DDAH2: variants seen among roughly 807,000 people sequenced by gnomAD.
DDAH2 encodes DDAH family member 2, ADMA-independent.
DDAH2 carries 8 observed loss-of-function variants against 24.8 expected under a neutral mutation model. The ratio of observed to expected loss-of-function variants is 0.32; its 90% CI spans 0.19 to 0.58. The LOEUF is 0.58. DDAH2 is among the 20% of genes least tolerant of loss of function. DDAH2 has a pLI of 0.87. For synonymous variants in DDAH2, 151 were observed against 166.1 expected (o/e 0.91, Z 0.70); for missense variants, 281 against 379.0 (o/e 0.74, Z 2.15).
Position 31,728,275 on chromosome 6 carries a change from A to C in DDAH2, c.489T>G (p.Thr163=). ...ADTFRDFAVS[T]VPVSGPSHLR... is the part of the protein sequence containing the mutation. ...GGTGGGAGGGACCCGAGACTGGCAC[A>C]GTGGAGACGGCGAAGTCCTAGGGAG... is the stretch of plus-strand genomic sequence containing the variant. Residue 163 remains threonine, a synonymous_variant, in exon 4 of 6, where the codon ACT becomes ACG. Coordinates refer to ENST00000375789, the MANE Select transcript of DDAH2 (RefSeq NM_001303007.2). The surrounding 1 kb of genome is among the most constrained non-coding windows in gnomAD (Gnocchi z 9.8). 6.2e-7 allele frequency: 1 copy of C among 1,611,460 alleles called. No individual in the cohort carries two copies. The highest frequency in any genetic ancestry group is 8.5e-7 in the Non-Finnish European group (1 of 1,179,126).
Position 31,728,117 on chromosome 6 carries a change from C to G in DDAH2, c.591+56G>C. The G allele has an allele frequency of 6.3e-7, 1 of 1,595,606 alleles. No individual in the cohort carries two copies. The highest frequency in any genetic ancestry group is 1.1e-5 in the South Asian group (1 of 90,056). On this transcript the variant is annotated intron_variant, in intron 4 of 5. Transcript: ENST00000375789. This position sits in a 1 kb window ranked among gnomAD's most constrained non-coding sequence, Gnocchi z 9.8. Reference sequence around the variant, plus strand: ...GCTAATTTCCTAAGCCTCCCAGCTCCCGGCCTCCCGGGCCCAGAACTGCGC... The same window carrying G: ...GCTAATTTCCTAAGCCTCCCAGCTCGCGGCCTCCCGGGCCCAGAACTGCGC...
Position 31,728,526 on chromosome 6 carries a change from T to G in DDAH2, c.398-2A>C. The G allele has an allele frequency of 6.2e-7, 1 of 1,612,728 alleles. No homozygotes were observed. ...AGAGGCCTACGAAAAACTCCCGGCC[T>G]GAGTCCGGGAGGCCGCGGAGGTTTG... is the stretch of plus-strand genomic sequence containing the variant. On this transcript the variant is annotated splice_acceptor_variant, in intron 2 of 5. Transcript: ENST00000375789. LOFTEE classifies it high-confidence loss of function. This position sits in a 1 kb window ranked among gnomAD's most constrained non-coding sequence, Gnocchi z 9.8.
Position 31,728,743 on chromosome 6 carries a change from G to C in DDAH2, c.300C>G (p.Val100=), listed in dbSNP as rs1173115655. 6.2e-7 allele frequency: 1 copy of C among 1,612,896 alleles called. No individual in the cohort carries two copies. The highest frequency in any genetic ancestry group is 8.5e-7 in the Non-Finnish European group (1 of 1,179,972). ...CTTGCAGGGCTTTGCGGACTCCATC[G>C]ACCTTAGGATAGGAGAAGAGGGCAC... ...RPWSPARRPE[V]DGVRKALQDL... is the part of the protein sequence containing the mutation. The change falls in exon 2 of 6, where the codon GTC becomes GTG. Residue 100 remains valine, a splice_region_variant and synonymous_variant. Coordinates refer to ENST00000375789, the MANE Select transcript of DDAH2 (RefSeq NM_001303007.2). This position sits in a 1 kb window ranked among gnomAD's most constrained non-coding sequence, Gnocchi z 9.8.
Position 31,727,290 on chromosome 6 carries a change from C to T in DDAH2, c.805G>A (p.Gly269Ser). 1.9e-6 allele frequency: 3 copies of T among 1,613,106 alleles called. No individual in the cohort carries two copies. The highest frequency in any genetic ancestry group is 1.7e-5 in the Admixed American group (1 of 60,030). Residue 269 changes from glycine to serine, a missense_variant, in exon 6 of 6, where the codon GGC (glycine) becomes AGC (serine). Physicochemically the swap from Gly to Ser is moderately conservative, Grantham distance 56. Transcript: ENST00000375789. This position sits in a 1 kb window ranked among gnomAD's most constrained non-coding sequence, Gnocchi z 6.0. Reference protein sequence around the residue: ...PVSCSELEKAGAGLSSLCLVL... With the variant: ...PVSCSELEKASAGLSSLCLVL... ...AAGCAGAGGGAGCTGAGCCCGGCGC[C>T]AGCCTTCTCCAGTTCTGAGCAGGAC...
At position 31,728,326 on chromosome 6, in the gene DDAH2, G is replaced by C. The variant is rs1384288878; in HGVS notation, c.472-34C>G. ...AGCGAAGGGAGGTATTCAGGGGCGC[G>C]GGAGGGGTGATGGGGTATCTTCAAA... On this transcript the variant is annotated intron_variant, in intron 3 of 5. Coordinates refer to ENST00000375789, the MANE Select transcript of DDAH2 (RefSeq NM_001303007.2). This position sits in a 1 kb window ranked among gnomAD's most constrained non-coding sequence, Gnocchi z 9.8. 2 of 1,605,184 alleles carry C rather than the reference G, an allele frequency of 1.2e-6. No individual in the cohort carries two copies. Among genetic ancestry groups the C allele is most frequent in the Non-Finnish European group, 1.7e-6 (2 of 1,174,714 alleles).
Position 31,729,187 on chromosome 6 carries a change from A to C in DDAH2, c.-26T>G. 5.3e-6 allele frequency: 8 copies of C among 1,507,834 alleles called. No individual in the cohort carries two copies. Among genetic ancestry groups the C allele is most frequent in the Non-Finnish European group, 7.2e-6 (8 of 1,107,792 alleles). 93.4% of individuals were successfully genotyped at this position (1,507,834 alleles called of 1,614,324 possible). ...CCCATCCACACAGACTCCCCCTCCA[A>C]CCGCTCGGATTTCTTAGTTTTCTTG... On this transcript the variant is annotated 5_prime_UTR_variant, in exon 1 of 6. Coordinates refer to ENST00000375789, the MANE Select transcript of DDAH2 (RefSeq NM_001303007.2). The surrounding 1 kb of genome is among the most constrained non-coding windows in gnomAD (Gnocchi z 6.7).
At chr6:31,729,826 T>G (rs2151309781), upstream of DDAH2, 1 of 151,602 alleles carries the variant, frequency 6.6e-6, no homozygotes. The surrounding 1 kb of genome is among the most constrained non-coding windows in gnomAD (Gnocchi z 6.7). Context: ...CTGGGAGAGG[T>G]CTAAAACGAA....
chr6:31,729,086 C>G lies in DDAH2; in HGVS notation c.76G>C (p.Gly26Arg), dbSNP rs772494896. ...GGAAGGCCAGCCCCCGCACCTTCCCCCGACGCCAGGCTCTCTGGGACTCCC... is the reference window on the plus strand; with the variant it reads ...GGAAGGCCAGCCCCCGCACCTTCCCGCGACGCCAGGCTCTCTGGGACTCCC... ...IRGVPESLAS[G>R]EGAGAGLPAL... Residue 26 changes from glycine (G) to arginine (R), a missense_variant, in exon 1 of 6, where the codon GGG becomes CGG. By Grantham distance (125) the Gly-to-Arg change is moderately radical. Transcript: ENST00000375789. The surrounding 1 kb of genome is among the most constrained non-coding windows in gnomAD (Gnocchi z 6.7). The G allele has an allele frequency of 8.1e-6, 13 of 1,612,940 alleles. No individual in the cohort carries two copies. The highest frequency in any genetic ancestry group is 1.1e-5 in the Non-Finnish European group (13 of 1,180,020).
Position 31,728,898 on chromosome 6 carries a change from G to A in DDAH2, c.264C>T (p.Ile88=). ...TACGAGCGGGGCTCCAGGGCCGCGT[G>A]ATTAGGGCCGTGTCCCCTTGGATCA... ...TAVIQGDTAL[I]TRPWSPARRP... Residue 88 remains isoleucine, a synonymous_variant, in exon 1 of 6, where the codon ATC becomes ATT. Transcript: ENST00000375789. The surrounding 1 kb of genome is among the most constrained non-coding windows in gnomAD (Gnocchi z 9.8). 6.2e-7 allele frequency: 1 copy of A among 1,613,088 alleles called. No homozygotes were observed. Among genetic ancestry groups the A allele is most frequent in the Non-Finnish European group, 8.5e-7 (1 of 1,180,030 alleles).
Position 31,728,373 on chromosome 6 carries a change from C to T in DDAH2, c.471+78G>A. ...CAAACATAGGCTGCTCTCTGCCTCT[C>T]ATTTCCTCAGCGGGCGCCCAGGCCC... On this transcript the variant is annotated intron_variant, in intron 3 of 5. Coordinates refer to ENST00000375789, the MANE Select transcript of DDAH2 (RefSeq NM_001303007.2). This position sits in a 1 kb window ranked among gnomAD's most constrained non-coding sequence, Gnocchi z 9.8. 1.9e-6 allele frequency: 3 copies of T among 1,609,676 alleles called. No homozygotes were observed. Among genetic ancestry groups the T allele is most frequent in the Non-Finnish European group, 2.5e-6 (3 of 1,177,872 alleles).
In DDAH2 at chr6:31,727,109, C is replaced by G. The variant is rs1240850627; in HGVS notation, c.*128G>C. On this transcript the variant is annotated 3_prime_UTR_variant, in exon 6 of 6. Coordinates refer to ENST00000375789, the MANE Select transcript of DDAH2 (RefSeq NM_001303007.2). This position sits in a 1 kb window ranked among gnomAD's most constrained non-coding sequence, Gnocchi z 6.0. ...CCCAGTGGATCCTTTTCCCTACACT[C>G]TCCCCTCCCCCAATATTGAGGCTCT... 1.1e-5 allele frequency: 8 copies of G among 723,900 alleles called. No homozygotes were observed. The highest frequency in any genetic ancestry group is 9.9e-5 in the East Asian group (4 of 40,358). The allele number at this position is 723,900 out of a possible 1,614,324, so 44.8% of individuals were successfully genotyped here.
rs1807569492 is a variant in DDAH2, at chr6:31,728,500, G to C, written c.422C>G (p.Ser141Cys). The C allele has an allele frequency of 6.2e-7, 1 of 1,612,788 alleles. No individual in the cohort carries two copies. The highest frequency in any genetic ancestry group is 8.5e-7 in the Non-Finnish European group (1 of 1,179,950). Residue 141 changes from serine (S) to cysteine (C), a missense_variant, in exon 3 of 6, where the codon TCC (serine) becomes TGC (cysteine). Transcript: ENST00000375789. The surrounding 1 kb of genome is among the most constrained non-coding windows in gnomAD (Gnocchi z 9.8). ...AGCTCCTCGGTGATTGGTCCATTTG[G>C]AGAGGCCTACGAAAAACTCCCGGCC... is the stretch of plus-strand genomic sequence containing the variant. ...FTGREFFVGL[S>C]KWTNHRGAEI...
At position 31,728,004 on chromosome 6, in the gene DDAH2, C is replaced by T. The variant is rs1266557797; in HGVS notation, c.591+169G>A. On this transcript the variant is annotated intron_variant, in intron 4 of 5. Transcript: ENST00000375789. This position sits in a 1 kb window ranked among gnomAD's most constrained non-coding sequence, Gnocchi z 9.8. ...ACTCCGGAAGAGCAAATTAATCACC[C>T]CTGTTCCCAGTCCTGCTGTTGTAAC... 6.6e-6 allele frequency among the ~76,000 whole-genome samples: 1 copy of T among 152,200 alleles called. No individual in the cohort carries two copies. The highest frequency in any genetic ancestry group is 1.5e-5 in the Non-Finnish European group (1 of 68,034).
In DDAH2 at chr6:31,728,092, G is replaced by A. The variant is rs915188827; in HGVS notation, c.591+81C>T. ...CAGCCCATTGAGGGCAGGGGTTAGG[G>A]CTAATTTCCTAAGCCTCCCAGCTCC... On this transcript the variant is annotated intron_variant, in intron 4 of 5. Coordinates refer to ENST00000375789, the MANE Select transcript of DDAH2 (RefSeq NM_001303007.2). The surrounding 1 kb of genome is among the most constrained non-coding windows in gnomAD (Gnocchi z 9.8). 131 of 1,544,402 alleles carry A rather than the reference G, an allele frequency of 8.5e-5. No individual in the cohort carries two copies. In the African/African-American group the frequency reaches 1.5e-3, roughly 18 times the overall value.
At position 31,727,173 on chromosome 6, in the gene DDAH2, C is replaced by T. The variant is rs766150261; in HGVS notation, c.*64G>A. The T allele has an allele frequency of 1.6e-6, 2 of 1,236,006 alleles. No individual in the cohort carries two copies. The highest frequency in any genetic ancestry group is 2.3e-5 in the East Asian group (1 of 42,778). 76.6% of individuals were successfully genotyped at this position (1,236,006 alleles called of 1,614,324 possible). A position where few individuals can be genotyped will look rare whatever the true frequency, so the allele number is the denominator to read the frequency against. On this transcript the variant is annotated 3_prime_UTR_variant, in exon 6 of 6. Coordinates refer to ENST00000375789, the MANE Select transcript of DDAH2 (RefSeq NM_001303007.2). The surrounding 1 kb of genome is among the most constrained non-coding windows in gnomAD (Gnocchi z 6.0). ...CCTATTCAGCATTCTCTATCTAACCCTCCTTCCCCTTCTACTTCCTATACT... is the reference window on the plus strand; with the variant it reads ...CCTATTCAGCATTCTCTATCTAACCTTCCTTCCCCTTCTACTTCCTATACT...
In DDAH2 at chr6:31,727,518, T is replaced by C; in HGVS notation, c.741+25A>G. 6.2e-7 allele frequency: 1 copy of C among 1,613,002 alleles called. No homozygotes were observed. Among genetic ancestry groups the C allele is most frequent in the Non-Finnish European group, 8.5e-7 (1 of 1,179,976 alleles). ...AACTCTTTTCTCTGATGGTGCTTGG[T>C]GTTGGAGTTCCTGCCCTCTCTCACC... is the stretch of plus-strand genomic sequence containing the variant. On this transcript the variant is annotated intron_variant, in intron 5 of 5. Transcript: ENST00000375789. This position sits in a 1 kb window ranked among gnomAD's most constrained non-coding sequence, Gnocchi z 6.0.
chr6:31,727,883 C>T lies in DDAH2; in HGVS notation c.592-191G>A, dbSNP rs775548245. On this transcript the variant is annotated intron_variant, in intron 4 of 5. Coordinates refer to ENST00000375789, the MANE Select transcript of DDAH2 (RefSeq NM_001303007.2). The surrounding 1 kb of genome is among the most constrained non-coding windows in gnomAD (Gnocchi z 6.0). ...CTAATTTCCACCTTGGAATCACATG[C>T]AGTTATTTTCAACCCCCTACCTTCC... Among the ~76,000 whole-genome samples the T allele has an allele frequency of 3.3e-5, 5 of 152,186 alleles. No individual in the cohort carries two copies. Among genetic ancestry groups the T allele is most frequent in the South Asian group, 4.1e-4 (2 of 4,834 alleles).
Position 31,729,016 on chromosome 6 carries a change from C to G in DDAH2, c.146G>C (p.Gly49Ala). Residue 49 changes from glycine to alanine, a missense_variant, in exon 1 of 6, where the codon GGA becomes GCA. Physicochemically the swap from Gly to Ala is moderately conservative, Grantham distance 60. Coordinates refer to ENST00000375789, the MANE Select transcript of DDAH2 (RefSeq NM_001303007.2). This position sits in a 1 kb window ranked among gnomAD's most constrained non-coding sequence, Gnocchi z 6.7. ...AKAQREHGVLGGKLRQRLGLQ... is the reference protein window; with the variant it reads ...AKAQREHGVLAGKLRQRLGLQ... ...CCCCAGTCGTTGCCTCAGTTTACCT[C>G]CCAGCACCCCGTGCTCCCTTTGAGC... The G allele has an allele frequency of 6.2e-7, 1 of 1,613,110 alleles. No individual in the cohort carries two copies.
In DDAH2 at chr6:31,728,856, G is replaced by T. The variant is rs1044656908; in HGVS notation, c.297+9C>A. On this transcript the variant is annotated intron_variant, in intron 1 of 5. Transcript: ENST00000375789. The surrounding 1 kb of genome is among the most constrained non-coding windows in gnomAD (Gnocchi z 9.8). ...TTTCCCCATACCACACCCGCGCCAC[G>T]GCGCTCACCTCTGGCCTACGAGCGG... is the stretch of plus-strand genomic sequence containing the variant. 12 of 1,611,548 alleles carry T rather than the reference G, an allele frequency of 7.4e-6. No individual in the cohort carries two copies. Among genetic ancestry groups the T allele is most frequent in the Non-Finnish European group, 8.5e-6 (10 of 1,179,178 alleles).
Sources: allele counts gnomAD v4.1 joint callset (sites outside exome capture counted in the v4.1 genomes callset), GRCh38; gene constraint gnomAD v4.1.1; non-coding constraint Gnocchi (gnomAD v3.1); transcripts MANE v1.5; gene names NCBI Gene and HGNC (gene_info 2026-07-23, HGNC 2026-07-21).